The following KIAA1549L variants were observed in gnomAD, a reference collection of about 807,000 sequenced individuals.
KIAA1549L encodes the protein UPF0606 protein KIAA1549L.
A neutral mutation model predicts 160.7 loss-of-function variants in KIAA1549L; 88 were observed. The observed-to-expected ratio is 0.55, with a 90% CI of 0.46 to 0.65. The LOEUF is 0.65. KIAA1549L is among the 30% of genes least tolerant of loss of function. The pLI is 0.00. For missense variants in KIAA1549L, 2,258 were observed against 2,437.5 expected, an observed-to-expected ratio of 0.93 and a Z score of 1.55; for synonymous variants, 950 against 976.7, an observed-to-expected ratio of 0.97 and a Z score of 0.51.
rs920208598 is a variant in KIAA1549L at position 33,384,946 on chromosome 11, T to G, written c.238+8057T>G. On this transcript the variant is annotated intron_variant, in intron 1 of 20. Coordinates refer to ENST00000658780, the MANE Select transcript of KIAA1549L (RefSeq NM_012194.3). ...TAACAGCGTTTTTTTTGTTTTTTGTTTTTTTTTTTTAAAAGGAGAGAAGTT... is the reference window on the plus strand; with the variant it reads ...TAACAGCGTTTTTTTTGTTTTTTGTGTTTTTTTTTTAAAAGGAGAGAAGTT... Among the ~76,000 whole-genome samples, 6 of 149,132 alleles carry G rather than the reference T, an allele frequency of 4.0e-5. No homozygotes were observed. The South Asian group carries it at 6.3e-4, about 16-fold the overall frequency.
intron 1 of KIAA1549L, among the ~76,000 whole-genome samples, chr11:33,532,224 T>A (rs923934803): frequency 6.6e-6 from 1 of 152,156 alleles, no homozygotes; most frequent in African/African-American, 2.4e-5. Context: ...AAGAACAAGG[T>A]GAGGTGATAG....
chr11:33,652,963 G>A (rs1297873040), intron 17 of KIAA1549L, among the ~76,000 whole-genome samples: 1 of 152,236 alleles, frequency 6.6e-6, no homozygotes, highest in African/African-American at 2.4e-5. Flanking sequence ...TTGGAAGCTT[G>A]TGAGATAGGC....
At chr11:33,587,441 T>C (rs1411147023) in intron 11 of KIAA1549L, among the ~76,000 whole-genome samples, 1 of 152,224 alleles carries the variant, frequency 6.6e-6, no homozygotes, top group African/African-American at 2.4e-5. Context: ...CTTAGCTGTG[T>C]GATCTTGGGC....
intron 1 of KIAA1549L, among the ~76,000 whole-genome samples, chr11:33,487,402 C>CTTTTTTTTT (rs112165825): frequency 2.3e-5 from 2 of 85,540 alleles, no homozygotes; most frequent in Admixed American, 1.1e-4. Context: ...GTCTATTGTT[C>CTTTTTTTTT]TTTTTTTTTT....
In KIAA1549L at chr11:33,591,299, C is replaced by T; in HGVS notation, c.4629C>T (p.Val1543=). The change falls in exon 12 of 21, where the codon GTC becomes GTT. Residue 1543 remains valine, a synonymous_variant. Coordinates refer to ENST00000658780, the MANE Select transcript of KIAA1549L (RefSeq NM_012194.3). ...HLGQQGADEE[V]IPVTQETVVL... Reference sequence around the variant, plus strand: ...GCCAGCAAGGGGCAGATGAGGAGGTCATCCCTGTGACTCAGGAGACAGTGG... The same window carrying T: ...GCCAGCAAGGGGCAGATGAGGAGGTTATCCCTGTGACTCAGGAGACAGTGG... The T allele has an allele frequency of 1.9e-6, 3 of 1,613,556 alleles. No homozygotes were observed. Among genetic ancestry groups the T allele is most frequent in the Non-Finnish European group, 2.5e-6 (3 of 1,179,576 alleles).
chr11:33,444,547 C>A (rs955745354), intron 1 of KIAA1549L, among the ~76,000 whole-genome samples: 1 of 152,176 alleles, frequency 6.6e-6, no homozygotes, highest in Non-Finnish European at 1.5e-5. Flanking sequence ...GAGAGACTTA[C>A]TTTTCATTGT....
At chr11:33,591,468 A>C in intron 12 of KIAA1549L, 47 bp downstream of exon 12, 1 of 1,461,178 alleles carries the variant, frequency 6.8e-7, no homozygotes, top group Non-Finnish European at 9.3e-7. Flanking sequence ...CAAGAGAATA[A>C]TTGATGATGA....
intron 16 of KIAA1549L, among the ~76,000 whole-genome samples, chr11:33,634,591 G>A (rs78160675): frequency 2.4e-3 from 371 of 152,346 alleles, no homozygotes; most frequent in African/African-American, 8.7e-3. Context: ...AGTTATGGGG[G>A]GAGAAAGACG....
chr11:33,596,916 GT>G (rs1395738011), intron 12 of KIAA1549L, among the ~76,000 whole-genome samples: 2 of 152,090 alleles, frequency 1.3e-5, no homozygotes, highest in African/African-American at 2.4e-5. Flanking sequence ...TGTCTTTTAT[GT>G]TTGGGTGTTG....
At chr11:33,446,657 G>A (rs1851618065) in intron 1 of KIAA1549L, among the ~76,000 whole-genome samples, 1 of 152,040 alleles carries the variant, frequency 6.6e-6, no homozygotes, top group Admixed American at 6.6e-5. Context: ...CTTGACTGGT[G>A]CTAGAGGATA....
chr11:33,462,793 A>G (rs1851968122), intron 1 of KIAA1549L, among the ~76,000 whole-genome samples: 1 of 151,036 alleles, frequency 6.6e-6, no homozygotes, highest in Non-Finnish European at 1.5e-5. Flanking sequence ...TTATTTTAAC[A>G]TCTCCGAAAT....
At chr11:33,484,930 C>G (rs1019566087) in intron 1 of KIAA1549L, among the ~76,000 whole-genome samples, 1 of 152,212 alleles carries the variant, frequency 6.6e-6, no homozygotes, top group African/African-American at 2.4e-5. Flanking sequence ...CTAATCAAGA[C>G]CATTGCTTAG....
chr11:33,554,867 G>A (rs1040188803), intron 6 of KIAA1549L, among the ~76,000 whole-genome samples: 1 of 152,152 alleles, frequency 6.6e-6, no homozygotes, highest in African/African-American at 2.4e-5. Context: ...TGTTCCATCA[G>A]CCTATAGGTC....
chr11:33,622,417 C>T lies in KIAA1549L; in HGVS notation c.5409+3755C>T, dbSNP rs992870860. On this transcript the variant is annotated intron_variant, in intron 16 of 20. Transcript: ENST00000658780. ...TTCCTCAAGCAGGAAGATGGAGAAG[C>T]GGCCTGCCCTGGAACACCGAGGTTA... Among the ~76,000 whole-genome samples, 23 of 152,270 alleles carry T rather than the reference C, an allele frequency of 1.5e-4. No individual in the cohort carries two copies. The Middle Eastern group carries it at 0.01, about 68-fold the overall frequency.
intron 1 of KIAA1549L, among the ~76,000 whole-genome samples, chr11:33,505,300 T>G (rs1853055140): frequency 6.6e-6 from 1 of 152,226 alleles, no homozygotes; most frequent in Non-Finnish European, 1.5e-5. Flanking sequence ...GGTTCATTAG[T>G]TGGTTGTCAG....
intron 20 of KIAA1549L, chr11:33,665,601 G>T: frequency 3.8e-3 from 1 of 260 alleles, no homozygotes; most frequent in Non-Finnish European, 5.2e-3. Context: ...TTGGTCCATG[G>T]GTGGGACAGA....
rs1307533670 is a variant in KIAA1549L, at chr11:33,435,780, A to ATGTGTGTG, written c.238+58892_238+58893insGTGTGTGT. Among the ~76,000 whole-genome samples the ATGTGTGTG allele has an allele frequency of 1.6e-4, 3 of 18,336 alleles. 1 individual carries two copies. The highest frequency in any genetic ancestry group is 2.5e-4 in the Non-Finnish European group (3 of 11,920). 12.0% of individuals were successfully genotyped at this position (18,336 alleles called of 152,430 possible). A position where few individuals can be genotyped will look rare whatever the true frequency, so the allele number is the denominator to read the frequency against. On this transcript the variant is annotated intron_variant, in intron 1 of 20. Transcript: ENST00000658780. Reference sequence around the variant, plus strand: ...ATAAGATATATATATATATATATATATATATATATATATATATATATATAT... The same window carrying ATGTGTGTG: ...ATAAGATATATATATATATATATATATGTGTGTGTATATATATATATATATATATATAT...
chr11:33,610,601 G>T (rs946764802), intron 15 of KIAA1549L, among the ~76,000 whole-genome samples: 1 of 152,178 alleles, frequency 6.6e-6, no homozygotes, highest in Admixed American at 6.6e-5. Context: ...GGAACTTAGG[G>T]TCTAATGGGA....
chr11:33,543,245 A>C lies in KIAA1549L; in HGVS notation c.1682A>C (p.Lys561Thr). The change falls in exon 2 of 21, where the codon AAA becomes ACA. Residue 561 changes from lysine to threonine, a missense_variant. By Grantham distance (78) the Lys-to-Thr change is moderately conservative (BLOSUM62 -1). Around this residue, in one of 6 missense-constraint regions of KIAA1549L, gnomAD observed 540 missense variants for 465.7 expected, o/e 1.16. Coordinates refer to ENST00000658780, the MANE Select transcript of KIAA1549L (RefSeq NM_012194.3). ...LSTSWTFPRW[K>T]KDSVTAILGK... Reference sequence around the variant, plus strand: ...ACATCTTGGACATTTCCCCGGTGGAAAAAGGACAGTGTGACAGCCATTTTA... The same window carrying C: ...ACATCTTGGACATTTCCCCGGTGGACAAAGGACAGTGTGACAGCCATTTTA... 6.2e-7 allele frequency: 1 copy of C among 1,613,352 alleles called. No homozygotes were observed. Among genetic ancestry groups the C allele is most frequent in the Non-Finnish European group, 8.5e-7 (1 of 1,179,212 alleles).
Sources: gnomAD v4.1 joint callset for allele counts (sites outside exome capture counted in the v4.1 genomes callset) on GRCh38, gnomAD v4.1.1 for gene constraint, gnomAD v4.1.1 regional missense constraint, MANE v1.5 for transcripts, NCBI Gene and HGNC (gene_info 2026-07-23, HGNC 2026-07-21) for gene names.